The following IRS1 variants were observed in gnomAD, a reference collection of about 807,000 sequenced individuals.
The protein encoded by IRS1 is insulin receptor substrate 1.
Under a neutral mutation model 65.6 loss-of-function variants are expected in IRS1, and 34 were observed. That is an observed-to-expected ratio of 0.52 (90% CI 0.39 to 0.69). The LOEUF (loss-of-function observed/expected upper bound fraction) is 0.69, where lower values mean the gene tolerates loss of function less well. Among genes scored for constraint, IRS1 ranks in the 30% least tolerant of loss-of-function variants. The probability of loss-of-function intolerance (pLI) is 0.00; values close to 1 mark genes in which losing one functional copy is unlikely to be tolerated. For missense variants in IRS1, 1,641 were observed against 1,720.2 expected, an observed-to-expected ratio of 0.95 and a Z score of 0.81; for synonymous variants, 699 against 683.5, an observed-to-expected ratio of 1.02 and a Z score of -0.35.
In IRS1 at chr2:226,798,893, G is replaced by A; in HGVS notation, c.-155C>T. 1.3e-6 allele frequency: 2 copies of A among 1,512,676 alleles called. No homozygotes were observed. The highest frequency in any genetic ancestry group is 1.8e-6 in the Non-Finnish European group (2 of 1,127,554). The allele number at this position is 1,512,676 out of a possible 1,614,324, so 93.7% of individuals were successfully genotyped here. The stretch of plus-strand genomic sequence containing the variant: ...AATCCACGCCGCCCCCCGCGCCGGG[G>A]AGGGGCAGCTGAAGGAGGACGCAGC... On this transcript the variant is annotated 5_prime_UTR_variant, in exon 1 of 2. Coordinates refer to ENST00000305123, the MANE Select transcript of IRS1 (RefSeq NM_005544.3). This position sits in a 1 kb window ranked among gnomAD's most constrained non-coding sequence, Gnocchi z 9.4.
intron 1 of IRS1, among the ~76,000 whole-genome samples, chr2:226,777,044 G>A (rs1196517509): frequency 2.0e-5 from 3 of 152,116 alleles, no homozygotes; most frequent in Non-Finnish European, 4.4e-5. Flanking sequence ...TACAGCCTAA[G>A]GAGACACATA....
chr2:226,750,410 G>A (rs537455446), intron 1 of IRS1, among the ~76,000 whole-genome samples: 1 of 152,144 alleles, frequency 6.6e-6, no homozygotes, highest in Admixed American at 6.5e-5. Context: ...CCTAACAAAA[G>A]AGAGAAAACA....
At chr2:226,775,554 A>G (rs183661410) in intron 1 of IRS1, among the ~76,000 whole-genome samples, 4 of 152,354 alleles carry the variant, frequency 2.6e-5, no homozygotes, top group Non-Finnish European at 4.4e-5. Flanking sequence ...AGATATGTGT[A>G]TACGTATGGG....
Position 226,732,573 on chromosome 2 carries a change from T to TATCTATATATTTGTATATATTC in IRS1, c.*3677_*3698dup, listed in dbSNP as rs1938244376. 1 of 149,710 alleles carries TATCTATATATTTGTATATATTC rather than the reference T, an allele frequency of 6.7e-6. No homozygotes were observed. The highest frequency in any genetic ancestry group is 6.7e-5 in the Admixed American group (1 of 14,824). 9.3% of individuals were successfully genotyped at this position (149,710 alleles called of 1,614,324 possible). A position where few individuals can be genotyped will look rare whatever the true frequency, so the allele number is the denominator to read the frequency against. On this transcript the variant is annotated 3_prime_UTR_variant, in exon 2 of 2. Coordinates refer to ENST00000305123, the MANE Select transcript of IRS1 (RefSeq NM_005544.3). Reference sequence around the variant, plus strand: ...ATATATATCTATATATGTGTGTATATATCTATATATTTGTATATATTCATC... The same window carrying TATCTATATATTTGTATATATTC: ...ATATATATCTATATATGTGTGTATATATCTATATATTTGTATATATTCATCTATATATTTGTATATATTCATC...
intron 1 of IRS1, among the ~76,000 whole-genome samples, chr2:226,771,045 CTT>C (rs1312942294): frequency 2.6e-5 from 4 of 152,078 alleles, no homozygotes; most frequent in Non-Finnish European, 5.9e-5. Flanking sequence ...ATATATATAA[CTT>C]TTGGAGCATG....
At chr2:226,784,688 G>A (rs1266075089) in intron 1 of IRS1, among the ~76,000 whole-genome samples, 2 of 152,190 alleles carry the variant, frequency 1.3e-5, no homozygotes, top group Non-Finnish European at 2.9e-5. Context: ...CTCCCAAAGT[G>A]CTGGGATTAC....
At chr2:226,791,439 A>G (rs1013979918) in intron 1 of IRS1, among the ~76,000 whole-genome samples, 5 of 152,166 alleles carry the variant, frequency 3.3e-5, no homozygotes, top group Non-Finnish European at 7.4e-5. Flanking sequence ...AAATAAGAGC[A>G]AGTGTGTGTT....
At chr2:226,774,226 A>C (rs1199102990) in intron 1 of IRS1, among the ~76,000 whole-genome samples, 1 of 152,228 alleles carries the variant, frequency 6.6e-6, no homozygotes, top group Non-Finnish European at 1.5e-5. Flanking sequence ...AAATCACAAA[A>C]TACTTTTTTA....
chr2:226,761,545 T>G (rs1188162354), intron 1 of IRS1, among the ~76,000 whole-genome samples: 2 of 152,188 alleles, frequency 1.3e-5, no homozygotes, highest in African/African-American at 4.8e-5. Context: ...GGCCCCCTTC[T>G]CCACTCTGGT....
chr2:226,741,582 G>A (rs562248266), intron 1 of IRS1, among the ~76,000 whole-genome samples: 3 of 152,040 alleles, frequency 2.0e-5, no homozygotes, highest in South Asian at 4.1e-4. Flanking sequence ...GTCTTCCCAC[G>A]TCTGTTGATT....
rs183496303 is a variant in IRS1, at chr2:226,780,174, C to T, written c.*21+14815G>A. ...TTGGGAGGCCGAGGCGGGCGAAACA[C>T]GAGATCAGGAGTTCAAGACCAGCCT... On this transcript the variant is annotated intron_variant, in intron 1 of 1. Coordinates refer to ENST00000305123, the MANE Select transcript of IRS1 (RefSeq NM_005544.3). Among the ~76,000 whole-genome samples, 8 of 152,182 alleles carry T rather than the reference C, an allele frequency of 5.3e-5. No homozygotes were observed. In the South Asian group the frequency reaches 6.2e-4, roughly 12 times the overall value.
rs115315252 is a variant in IRS1 at position 226,791,012 on chromosome 2, G to A, written c.*21+3977C>T. Among the ~76,000 whole-genome samples the A allele has an allele frequency of 3.2e-3, 485 of 152,246 alleles. 4 individuals are homozygous for A. The highest frequency in any genetic ancestry group is 0.011 in the African/African-American group (461 of 41,536). On this transcript the variant is annotated intron_variant, in intron 1 of 1. Transcript: ENST00000305123. ...ACACTACCCAAACCCTTGTCACACC[G>A]GGTTCTCAGGATCTGCAAGCTGCAG...
At chr2:226,789,865 G>A (rs1939555361) in intron 1 of IRS1, among the ~76,000 whole-genome samples, 1 of 152,170 alleles carries the variant, frequency 6.6e-6, no homozygotes, top group Non-Finnish European at 1.5e-5. Flanking sequence ...AGGAGGGTTT[G>A]TCTTAGGGTT....
intron 1 of IRS1, among the ~76,000 whole-genome samples, chr2:226,742,713 G>GGAAAAAAAAAAAAAAAA (rs889878007): frequency 4.0e-5 from 5 of 124,598 alleles, no homozygotes; most frequent in African/African-American, 1.4e-4. Context: ...CACGCATTAT[G>GGAAAAAAAAAAAAAAAA]AAAAAAAAAA....
intron 1 of IRS1, among the ~76,000 whole-genome samples, chr2:226,775,050 G>T (rs1216604805): frequency 1.3e-5 from 2 of 152,042 alleles, no homozygotes; most frequent in Admixed American, 1.3e-4. Flanking sequence ...AAAACCCAGA[G>T]AATTTATAGC....
intron 1 of IRS1, among the ~76,000 whole-genome samples, chr2:226,766,136 T>TATATATATATATAC (rs1939030684): frequency 2.9e-4 from 1 of 3,508 alleles, no homozygotes; most frequent in Non-Finnish European, 9.6e-4. Flanking sequence ...TATATATATA[T>TATATATATATATAC]ATATATATAT....
In IRS1 at chr2:226,762,778, C is replaced by T. The variant is rs572509761; in HGVS notation, c.*22-26528G>A. On this transcript the variant is annotated intron_variant, in intron 1 of 1. Transcript: ENST00000305123. The stretch of plus-strand genomic sequence containing the variant: ...GACCTGTAATAACATTTGCACCAGC[C>T]GAATACATATTTCATTGTAAATCAG... 5.9e-5 allele frequency among the ~76,000 whole-genome samples: 9 copies of T among 152,072 alleles called. No homozygotes were observed. In the South Asian group the frequency reaches 1.9e-3, roughly 32 times the overall value.
Position 226,731,951 on chromosome 2 carries a change from T to C in IRS1, c.*4321A>G, listed in dbSNP as rs1341577217. The C allele has an allele frequency of 1.3e-5, 2 of 152,188 alleles. No homozygotes were observed. 9.4% of individuals were successfully genotyped at this position (152,188 alleles called of 1,614,324 possible). A position where few individuals can be genotyped will look rare whatever the true frequency, so the allele number is the denominator to read the frequency against. On this transcript the variant is annotated 3_prime_UTR_variant, in exon 2 of 2. Transcript: ENST00000305123. The stretch of plus-strand genomic sequence containing the variant: ...TTAACAGCATAAGCAAAGAGAGATT[T>C]AAATGCCAAGTGAATGGCAGAAGTC...
intron 1 of IRS1, among the ~76,000 whole-genome samples, chr2:226,770,157 C>T (rs558783761): frequency 2.0e-5 from 3 of 152,168 alleles, no homozygotes; most frequent in South Asian, 4.1e-4. Context: ...TCAAACACTC[C>T]ACATATGAAA....
Sources: gnomAD v4.1 joint callset for allele counts (sites outside exome capture counted in the v4.1 genomes callset) on GRCh38, gnomAD v4.1.1 for gene constraint, Gnocchi (gnomAD v3.1) non-coding constraint, MANE v1.5 for transcripts, NCBI Gene and HGNC (gene_info 2026-07-23, HGNC 2026-07-21) for gene names.